The following ARID1B variants were observed in gnomAD, a reference collection of about 807,000 sequenced individuals.
ARID1B encodes the protein AT-rich interactive domain-containing protein 1B.
Under a neutral mutation model 212.3 loss-of-function variants are expected in ARID1B, and 30 were observed. The ratio of observed to expected loss-of-function variants is 0.14; its 90% CI spans 0.11 to 0.19. The LOEUF (loss-of-function observed/expected upper bound fraction) is 0.19. Among genes scored for constraint, ARID1B ranks in the 10% least tolerant of loss-of-function variants. The pLI is 1.00. For missense variants in ARID1B, 2,891 were observed against 3,204.0 expected (o/e 0.90, Z 2.36); for synonymous variants, 1,402 against 1,301.7 (o/e 1.08, Z -1.66).
Position 157,148,671 on chromosome 6 carries a change from T to C in ARID1B, c.2809T>C (p.Tyr937His). The change falls in exon 8 of 20, where the codon TAC becomes CAC. Residue 937 changes from tyrosine to histidine, a missense_variant. By Grantham distance (83) the Tyr-to-His change is moderately conservative. Transcript: ENST00000636930. The surrounding 1 kb of genome is among the most constrained non-coding windows in gnomAD (Gnocchi z 5.6). ...PAYSGVPSAS[Y>H]SGPGPGMGIS... ...GTATAGTGGGGTGCCCAGTGCAAGC[T>C]ACAGCGGCCCAGGGCCCGGTATGGG... 1 of 1,611,028 alleles carries C rather than the reference T, an allele frequency of 6.2e-7. No individual in the cohort carries two copies. The highest frequency in any genetic ancestry group is 1.3e-5 in the African/African-American group (1 of 75,006).
chr6:157,127,567 C>G (rs1340189404), intron 6 of ARID1B, among the ~76,000 whole-genome samples: 1 of 151,134 alleles, frequency 6.6e-6, no homozygotes, highest in Non-Finnish European at 1.5e-5. Context: ...GTCAGGAGAT[C>G]GAGACCATCC....
At chr6:157,154,496 G>T (rs192742215) in intron 8 of ARID1B, among the ~76,000 whole-genome samples, 1 of 147,906 alleles carries the variant, frequency 6.8e-6, no homozygotes, top group Non-Finnish European at 1.5e-5. Context: ...GACCTACAGG[G>T]TCACCCACTC....
chr6:156,892,043 C>CTT (rs1047406340), intron 2 of ARID1B, among the ~76,000 whole-genome samples: 9 of 115,178 alleles, frequency 7.8e-5, no homozygotes, highest in Admixed American at 2.7e-4. Flanking sequence ...AGCGAATTTT[C>CTT]TTTTTTTTTT....
chr6:157,053,920 AAAAAAT>A (rs1298853073), intron 4 of ARID1B, among the ~76,000 whole-genome samples: 1 of 152,024 alleles, frequency 6.6e-6, no homozygotes, highest in African/African-American at 2.4e-5. Flanking sequence ...CTAAAATACA[AAAAAAT>A]AAAAATAAAA....
In ARID1B at chr6:157,084,825, G is replaced by A. The variant is rs567668222; in HGVS notation, c.2411G>A (p.Gly804Asp). 3 of 1,614,014 alleles carry A rather than the reference G, an allele frequency of 1.9e-6. No individual in the cohort carries two copies. The highest frequency in any genetic ancestry group is 2.2e-5 in the South Asian group (2 of 91,060). The change falls in exon 5 of 20, where the codon GGC becomes GAC. Residue 804 changes from glycine to aspartate, a missense_variant. Around this residue, in one of 7 missense-constraint regions of ARID1B, gnomAD observed 1,643 missense variants for 1,544.0 expected, o/e 1.06. Coordinates refer to ENST00000636930, the MANE Select transcript of ARID1B (RefSeq NM_001374828.1). ...ASPHLSSIPGGPSPSPVGSPV... is the reference protein window; with the variant it reads ...ASPHLSSIPGDPSPSPVGSPV... The stretch of plus-strand genomic sequence containing the variant: ...CCTCATCTCTCCAGCATCCCGGGGG[G>A]CCCATCTCCCTCTCCTGTTGGCTCT...
chr6:156,778,997 C>G lies in ARID1B; in HGVS notation c.1317C>G (p.Gly439=), dbSNP rs1778954316. 1 of 1,268,496 alleles carries G rather than the reference C, an allele frequency of 7.9e-7. No individual in the cohort carries two copies. The highest frequency in any genetic ancestry group is 9.8e-7 in the Non-Finnish European group (1 of 1,018,432). The allele number at this position is 1,268,496 out of a possible 1,614,324, so 78.6% of individuals were successfully genotyped here. Residue 439 remains glycine, a synonymous_variant, in exon 1 of 20, where the codon GGC becomes GGG. Transcript: ENST00000636930. ...AAAAAGGGGG[G]GYGGSSAGYG... is the part of the protein sequence containing the mutation. ...CAGCAGCAGGAGGCGGCGGCGGCGG[C>G]GGCTATGGGGGCTCGTCCGCGGGGT...
Position 157,148,714 on chromosome 6 carries a change from A to G in ARID1B, c.2852A>G (p.Gln951Arg). 1 of 1,613,106 alleles carries G rather than the reference A, an allele frequency of 6.2e-7. No homozygotes were observed. Among genetic ancestry groups the G allele is most frequent in the Non-Finnish European group, 8.5e-7 (1 of 1,179,920 alleles). Residue 951 changes from glutamine (Q) to arginine (R), a missense_variant, in exon 8 of 20, where the codon CAG becomes CGG. By Grantham distance (43) the Gln-to-Arg change is conservative. Coordinates refer to ENST00000636930, the MANE Select transcript of ARID1B (RefSeq NM_001374828.1). The surrounding 1 kb of genome is among the most constrained non-coding windows in gnomAD (Gnocchi z 5.6). ...GPGMGISANN[Q>R]MHGQGPSQPC... ...GGTATGGGTATCAGTGCCAACAACC[A>G]GATGCATGGACAAGGGCCAAGCCAG... is the stretch of plus-strand genomic sequence containing the variant.
intron 1 of ARID1B, among the ~76,000 whole-genome samples, chr6:156,824,467 A>T (rs549416641): frequency 6.6e-6 from 1 of 152,316 alleles, no homozygotes; most frequent in South Asian, 2.1e-4. Flanking sequence ...GATAGATGTT[A>T]AAAAAACATA....
At chr6:157,109,203 A>G (rs540301021) in intron 5 of ARID1B, among the ~76,000 whole-genome samples, 3 of 152,194 alleles carry the variant, frequency 2.0e-5, no homozygotes, top group East Asian at 1.9e-4. Flanking sequence ...GTTGTTGTAC[A>G]TCGTCAAATA....
intron 1 of ARID1B, among the ~76,000 whole-genome samples, chr6:156,801,488 C>T (rs1009120589): frequency 6.6e-6 from 1 of 151,976 alleles, no homozygotes; most frequent in Non-Finnish European, 1.5e-5. Context: ...TGTGAGCCAC[C>T]GCACCCGGCC....
At chr6:157,018,212 CT>C (rs1208883079) in intron 4 of ARID1B, among the ~76,000 whole-genome samples, 152 of 72,450 alleles carry the variant, frequency 2.1e-3, no homozygotes, top group Admixed American at 3.6e-3. Flanking sequence ...AAGTAGTATG[CT>C]TTTTTTTTTT....
chr6:157,169,697 T>G (rs1444147852), intron 9 of ARID1B: 1 of 152,258 alleles, frequency 6.6e-6, no homozygotes, highest in East Asian at 1.9e-4. Flanking sequence ...TGCACTTGTC[T>G]GCATATAAAC....
chr6:156,869,875 T>C (rs1481941373), intron 2 of ARID1B, among the ~76,000 whole-genome samples: 2 of 152,232 alleles, frequency 1.3e-5, no homozygotes, highest in Non-Finnish European at 2.9e-5. Flanking sequence ...GTTGAAAATA[T>C]GTCTTTAAAA....
In ARID1B at chr6:157,210,416, G is replaced by A. The variant is rs1794699048; in HGVS notation, c.*2525G>A. 4.3e-6 allele frequency: 1 copy of A among 231,000 alleles called. No individual in the cohort carries two copies. Among genetic ancestry groups the A allele is most frequent in the African/African-American group, 2.2e-5 (1 of 45,196 alleles). 14.3% of individuals were successfully genotyped at this position (231,000 alleles called of 1,614,324 possible). On this transcript the variant is annotated 3_prime_UTR_variant, in exon 20 of 20. Transcript: ENST00000636930. ...GTAAAATAATTAACAAAAGACTGTT[G>A]TTATGGTTTGCATTGTAACCGATAC...
chr6:157,084,673 C>T lies in ARID1B; in HGVS notation c.2259C>T (p.Gly753=), dbSNP rs2128462099. ...ERPSSLPDLS[G]SIDDLPTGTE... ...TTTTCCTTTCTTAGGATCTGTCTGG[C>T]TCCATTGATGACCTCCCCACGGGAA... Residue 753 remains glycine (G), a synonymous_variant, in exon 5 of 20, where the codon GGC becomes GGT. Coordinates refer to ENST00000636930, the MANE Select transcript of ARID1B (RefSeq NM_001374828.1). The T allele has an allele frequency of 6.2e-7, 1 of 1,614,136 alleles. No homozygotes were observed. Among genetic ancestry groups the T allele is most frequent in the Non-Finnish European group, 8.5e-7 (1 of 1,180,000 alleles).
chr6:157,203,152 C>G lies in ARID1B; in HGVS notation c.5264-714C>G, dbSNP rs1794223632. 6.6e-6 allele frequency among the ~76,000 whole-genome samples: 1 copy of G among 152,208 alleles called. No homozygotes were observed. The highest frequency in any genetic ancestry group is 1.5e-5 in the Non-Finnish European group (1 of 68,042). On this transcript the variant is annotated intron_variant, in intron 18 of 19. Coordinates refer to ENST00000636930, the MANE Select transcript of ARID1B (RefSeq NM_001374828.1). The surrounding 1 kb of genome is among the most constrained non-coding windows in gnomAD (Gnocchi z 4.4). ...GAGAATGCCCCCAGCCTCCAGGCAGCTCCAGGGATCTGGCCGAGCTGGGTC... is the reference window on the plus strand; with the variant it reads ...GAGAATGCCCCCAGCCTCCAGGCAGGTCCAGGGATCTGGCCGAGCTGGGTC...
intron 4 of ARID1B, among the ~76,000 whole-genome samples, chr6:156,945,260 TTTTTTTTTG>T (rs1293634262): frequency 2.4e-5 from 3 of 125,940 alleles, no homozygotes; most frequent in South Asian, 5.4e-4. Flanking sequence ...TTTTTTTTTT[TTTTTTTTTG>T]TGAGTGTTTA....
chr6:157,018,542 T>G (rs1172918611), intron 4 of ARID1B, among the ~76,000 whole-genome samples: 2 of 152,224 alleles, frequency 1.3e-5, no homozygotes, highest in Non-Finnish European at 1.5e-5. Flanking sequence ...GATAAAACTC[T>G]GCTTCCTGGA....
At chr6:157,098,823 C>T (rs1351732624) in intron 5 of ARID1B, among the ~76,000 whole-genome samples, 1 of 152,210 alleles carries the variant, frequency 6.6e-6, no homozygotes, top group East Asian at 1.9e-4. Flanking sequence ...CCAGCCGCCA[C>T]CCTGAGAGTT....
Sources: allele counts gnomAD v4.1 joint callset (sites outside exome capture counted in the v4.1 genomes callset), GRCh38; gene constraint gnomAD v4.1.1; regional missense constraint gnomAD v4.1.1; non-coding constraint Gnocchi (gnomAD v3.1); transcripts MANE v1.5; gene names NCBI Gene and HGNC (gene_info 2026-07-23, HGNC 2026-07-21).